The following RUBCNL variants were observed in gnomAD, a reference collection of about 807,000 sequenced individuals.
The protein encoded by RUBCNL is protein associated with UVRAG as autophagy enhancer.
Under a neutral mutation model 69.5 loss-of-function variants are expected in RUBCNL, and 62 were observed. The ratio of observed to expected loss-of-function variants is 0.89; its 90% CI spans 0.73 to 1.10. The LOEUF is 1.10. Among genes scored for constraint, RUBCNL ranks in the 50% least tolerant of loss-of-function variants. The pLI, the probability that RUBCNL is intolerant of heterozygous loss-of-function variation, is 0.00. For missense variants in RUBCNL, 768 were observed against 798.1 expected (o/e 0.96, Z 0.45); for synonymous variants, 291 against 303.6 (o/e 0.96, Z 0.43).
At chr13:46,380,060 T>C (rs2049085228) in intron 1 of RUBCNL, among the ~76,000 whole-genome samples, 1 of 152,222 alleles carries the variant, frequency 6.6e-6, no homozygotes, top group Non-Finnish European at 1.5e-5. Context: ...GAAACAGTGC[T>C]ATACTGTTTC....
intron 1 of RUBCNL, among the ~76,000 whole-genome samples, chr13:46,379,072 A>G (rs1311962600): frequency 3.3e-5 from 5 of 151,970 alleles, no homozygotes; most frequent in Admixed American, 2.0e-4. Flanking sequence ...TGTTAAATCT[A>G]TGAGGGCCCT....
chr13:46,335,164 G>A lies in RUBCNL; in HGVS notation c.*8221C>T, dbSNP rs752117992. On this transcript the variant is annotated 3_prime_UTR_variant, in exon 15 of 15. Coordinates refer to ENST00000429979, the MANE Select transcript of RUBCNL (RefSeq NM_025113.5). ...ACTACAGCCTCAAACTCCTGGGCTCGATCGATCCTCCCACCTCAGCCTCCT... is the reference window on the plus strand; with the variant it reads ...ACTACAGCCTCAAACTCCTGGGCTCAATCGATCCTCCCACCTCAGCCTCCT... Among the ~76,000 whole-genome samples, 1 of 150,884 alleles carries A rather than the reference G, an allele frequency of 6.6e-6. No individual in the cohort carries two copies. Among genetic ancestry groups the A allele is most frequent in the Non-Finnish European group, 1.5e-5 (1 of 67,792 alleles).
At chr13:46,384,190 C>T (rs2138857449) in intron 1 of RUBCNL, among the ~76,000 whole-genome samples, 1 of 152,266 alleles carries the variant, frequency 6.6e-6, no homozygotes, top group African/African-American at 2.4e-5. Context: ...TTTAAAAATA[C>T]TTGCAAAATA....
chr13:46,368,500 G>A (rs2048809640), intron 4 of RUBCNL: 2 of 985,148 alleles, frequency 2.0e-6, no homozygotes, highest in African/African-American at 1.7e-5. Context: ...TTAGGTTGGG[G>A]GAAGCCTAAT....
Position 46,343,223 on chromosome 13 carries a change from G to A in RUBCNL, c.*162C>T. On this transcript the variant is annotated 3_prime_UTR_variant, in exon 15 of 15. Coordinates refer to ENST00000429979, the MANE Select transcript of RUBCNL (RefSeq NM_025113.5). ...AGCCCTGTGCTTAAACACAGAATCT[G>A]CATTCTTTTGAAACATTAAGTATAT... The A allele has an allele frequency of 8.9e-7, 1 of 1,124,262 alleles. No homozygotes were observed. The highest frequency in any genetic ancestry group is 1.2e-6 in the Non-Finnish European group (1 of 804,572). The allele number at this position is 1,124,262 out of a possible 1,614,324, so 69.6% of individuals were successfully genotyped here. A position where few individuals can be genotyped will look rare whatever the true frequency, so the allele number is the denominator to read the frequency against.
intron 10 of RUBCNL, among the ~76,000 whole-genome samples, chr13:46,351,525 T>C (rs1405268669): frequency 6.6e-6 from 1 of 152,150 alleles, no homozygotes; most frequent in Admixed American, 6.5e-5. Flanking sequence ...CATAGTGATA[T>C]AAAAAGGTGT....
chr13:46,339,792 G>A lies in RUBCNL; in HGVS notation c.*3593C>T, dbSNP rs2048128517. On this transcript the variant is annotated 3_prime_UTR_variant, in exon 15 of 15. Transcript: ENST00000429979. ...GAAAATCACTTGAACCCAGGTGGCGGAGGTTGAAGTGAGCTGAGATCGCAC... is the reference window on the plus strand; with the variant it reads ...GAAAATCACTTGAACCCAGGTGGCGAAGGTTGAAGTGAGCTGAGATCGCAC... Among the ~76,000 whole-genome samples the A allele has an allele frequency of 6.6e-6, 1 of 152,110 alleles. No homozygotes were observed. The highest frequency in any genetic ancestry group is 6.5e-5 in the Admixed American group (1 of 15,270).
chr13:46,356,374 T>C (rs1416944743), intron 10 of RUBCNL, 58 bp downstream of exon 10: 1 of 1,547,362 alleles, frequency 6.5e-7, no homozygotes, highest in Non-Finnish European at 8.9e-7. Context: ...CTGCCCTACT[T>C]TGCTATTCTG....
rs1169713143 is a variant in RUBCNL, at chr13:46,368,835, T to C, written c.536-20A>G. The C allele has an allele frequency of 6.3e-7, 1 of 1,582,356 alleles. No individual in the cohort carries two copies. Among genetic ancestry groups the C allele is most frequent in the African/African-American group, 1.4e-5 (1 of 73,852 alleles). On this transcript the variant is annotated intron_variant, in intron 3 of 14. Coordinates refer to ENST00000429979, the MANE Select transcript of RUBCNL (RefSeq NM_025113.5). Reference sequence around the variant, plus strand: ...CAGCACCTGCCAATATAGCAAATTGTTAAAAATGGGGAAAAGGGAGTTTAA... The same window carrying C: ...CAGCACCTGCCAATATAGCAAATTGCTAAAAATGGGGAAAAGGGAGTTTAA...
rs867053391 is a variant in RUBCNL at position 46,338,785 on chromosome 13, G to C, written c.*4600C>G. 1.3e-5 allele frequency among the ~76,000 whole-genome samples: 2 copies of C among 152,034 alleles called. No individual in the cohort carries two copies. Among genetic ancestry groups the C allele is most frequent in the African/African-American group, 4.8e-5 (2 of 41,378 alleles). ...AAATGTTCAAGGAAGGGCTGGGCGC[G>C]GTGGCTCACACCTGTAATCCAAGCA... On this transcript the variant is annotated 3_prime_UTR_variant, in exon 15 of 15. Transcript: ENST00000429979.
At chr13:46,376,540 T>C (rs1030159182) in intron 2 of RUBCNL, among the ~76,000 whole-genome samples, 2 of 152,164 alleles carry the variant, frequency 1.3e-5, no homozygotes, top group African/African-American at 2.4e-5. Flanking sequence ...TCCCACCTTG[T>C]GCACCAATTT....
chr13:46,358,808 C>A (rs1286740866), intron 9 of RUBCNL, among the ~76,000 whole-genome samples: 2 of 152,150 alleles, frequency 1.3e-5, no homozygotes, highest in Non-Finnish European at 2.9e-5. Context: ...CTGACCCCAG[C>A]CTAGGCCTCC....
chr13:46,365,538 C>T (rs1431897350), intron 5 of RUBCNL, among the ~76,000 whole-genome samples: 2 of 152,122 alleles, frequency 1.3e-5, no homozygotes, highest in South Asian at 2.1e-4. Context: ...GGATACAAAC[C>T]AGGGAGCATG....
chr13:46,339,596 G>A lies in RUBCNL; in HGVS notation c.*3789C>T, dbSNP rs1209952776. 6.6e-6 allele frequency among the ~76,000 whole-genome samples: 1 copy of A among 152,148 alleles called. No homozygotes were observed. Among genetic ancestry groups the A allele is most frequent in the Non-Finnish European group, 1.5e-5 (1 of 68,026 alleles). On this transcript the variant is annotated 3_prime_UTR_variant, in exon 15 of 15. Transcript: ENST00000429979. ...CAACAGGGTCAGGCGCAGTGGCTCA[G>A]GCCTGTAATCCCAGCACTTTTGGAA... is the stretch of plus-strand genomic sequence containing the variant.
chr13:46,362,937 TA>T (rs2048653140), intron 6 of RUBCNL, among the ~76,000 whole-genome samples, 177 bp downstream of exon 6: 1 of 47,312 alleles, frequency 2.1e-5, no homozygotes, highest in African/African-American at 2.2e-4. Flanking sequence ...TATATATATA[TA>T]GATATATATA....
chr13:46,363,244 A>T, intron 5 of RUBCNL, 31 bp from the exon 6 acceptor site: 1 of 1,295,126 alleles, frequency 7.7e-7, no homozygotes, highest in Non-Finnish European at 1.0e-6. Context: ...GGTTTTTACC[A>T]ATAAGAAGAA....
chr13:46,372,607 G>A lies in RUBCNL; in HGVS notation c.-122-10C>T. The A allele has an allele frequency of 7.0e-7, 1 of 1,435,896 alleles. No individual in the cohort carries two copies. 88.9% of individuals were successfully genotyped at this position (1,435,896 alleles called of 1,614,324 possible). A position where few individuals can be genotyped will look rare whatever the true frequency, so the allele number is the denominator to read the frequency against. On this transcript the variant is annotated splice_polypyrimidine_tract_variant and intron_variant, in intron 2 of 14. Coordinates refer to ENST00000429979, the MANE Select transcript of RUBCNL (RefSeq NM_025113.5). ...GGTCTGGAGAGCTATTCTGCAATGA[G>A]CAAGGAATCATTCAAAATAAGTAAG...
chr13:46,340,766 G>A lies in RUBCNL; in HGVS notation c.*2619C>T, dbSNP rs1185196798. 6.6e-6 allele frequency among the ~76,000 whole-genome samples: 1 copy of A among 152,108 alleles called. No individual in the cohort carries two copies. Among genetic ancestry groups the A allele is most frequent in the Non-Finnish European group, 1.5e-5 (1 of 68,024 alleles). ...AACAGAGGAGGCAAAGAGAGGGCAGGGAGGTGCCAGGCTTCATAACAACCA... is the reference window on the plus strand; with the variant it reads ...AACAGAGGAGGCAAAGAGAGGGCAGAGAGGTGCCAGGCTTCATAACAACCA... On this transcript the variant is annotated 3_prime_UTR_variant, in exon 15 of 15. Coordinates refer to ENST00000429979, the MANE Select transcript of RUBCNL (RefSeq NM_025113.5).
In RUBCNL at chr13:46,336,104, C is replaced by T. The variant is rs563966690; in HGVS notation, c.*7281G>A. On this transcript the variant is annotated 3_prime_UTR_variant, in exon 15 of 15. Transcript: ENST00000429979. ...GAAATCACAAATGTCATGATGTTTC[C>T]GGGTTCCAAAGCTTCCAGGAGGAAG... Among the ~76,000 whole-genome samples, 18 of 152,294 alleles carry T rather than the reference C, an allele frequency of 1.2e-4. No homozygotes were observed. The highest frequency in any genetic ancestry group is 4.1e-4 in the South Asian group (2 of 4,824).
Sources: gnomAD v4.1 joint callset for allele counts (sites outside exome capture counted in the v4.1 genomes callset) on GRCh38, gnomAD v4.1.1 for gene constraint, MANE v1.5 for transcripts, NCBI Gene and HGNC (gene_info 2026-07-23, HGNC 2026-07-21) for gene names.